Variants in STAB2 observed in about 807,000 individuals in gnomAD.
The protein encoded by STAB2 is stabilin-2.
STAB2 carries 288 observed loss-of-function variants against 338.1 expected under a neutral mutation model. The observed-to-expected ratio is 0.85, with a 90% CI of 0.77 to 0.94. STAB2 has a LOEUF of 0.94. Among genes scored for constraint, STAB2 ranks in the 40% least tolerant of loss-of-function variants. The probability of loss-of-function intolerance (pLI) is 0.00; values close to 1 mark genes in which losing one functional copy is unlikely to be tolerated. For synonymous variants in STAB2, 1,202 were observed against 1,193.3 expected, an observed-to-expected ratio of 1.01 and a Z score of -0.15; for missense variants, 3,141 against 3,210.1, an observed-to-expected ratio of 0.98 and a Z score of 0.52.
intron 5 of STAB2, 38 bp downstream of exon 5, chr12:103,622,149 G>C: frequency 1.2e-6 from 2 of 1,603,640 alleles, no homozygotes; most frequent in Non-Finnish European, 1.7e-6. Context: ...CATTTGTAAG[G>C]GTTGACAGTC....
chr12:103,729,080 C>A, intron 48 of STAB2, 85 bp downstream of exon 48: 1 of 1,341,230 alleles, frequency 7.5e-7, no homozygotes, highest in South Asian at 1.2e-5. Context: ...CCATCATCCT[C>A]AGCAAACTAA....
chr12:103,629,885 A>T (rs1957434041), intron 5 of STAB2, among the ~76,000 whole-genome samples: 1 of 152,208 alleles, frequency 6.6e-6, no homozygotes, highest in African/African-American at 2.4e-5. Context: ...TGAACATAAT[A>T]TGTATTCCAT....
At position 103,686,727 on chromosome 12, in the gene STAB2, A is replaced by G. The variant is rs974433332; in HGVS notation, c.2998-1441A>G. Among the ~76,000 whole-genome samples the G allele has an allele frequency of 2.0e-4, 31 of 152,160 alleles. 1 individual carries two copies. The highest frequency in any genetic ancestry group is 6.5e-4 in the African/African-American group (27 of 41,420). Reference sequence around the variant, plus strand: ...CGCCATGTGAGATACCTCAAACTCCAAGTGATTCACATACCTCGGCCTCTG... The same window carrying G: ...CGCCATGTGAGATACCTCAAACTCCGAGTGATTCACATACCTCGGCCTCTG... On this transcript the variant is annotated intron_variant, in intron 27 of 68. Transcript: ENST00000388887.
Position 103,737,645 on chromosome 12 carries a change from T to C in STAB2, c.5562T>C (p.Phe1854=), listed in dbSNP as rs1315542561. The stretch of plus-strand genomic sequence containing the variant: ...TTTTTCTTTCTTAGGGTGACCTCTT[T>C]CTGAATGGCCAAACCTGCAGAATTG... ...CGAGRDIGDL[F]LNGQTCRIVQ... Residue 1854 remains phenylalanine, a synonymous_variant, in exon 53 of 69, where the codon TTT becomes TTC. Transcript: ENST00000388887. 2 of 1,607,288 alleles carry C rather than the reference T, an allele frequency of 1.2e-6. No homozygotes were observed. The highest frequency in any genetic ancestry group is 1.1e-5 in the South Asian group (1 of 90,324).
At chr12:103,758,130 C>T in intron 63 of STAB2, 40 bp from the exon 64 acceptor site, 1 of 1,612,976 alleles carries the variant, frequency 6.2e-7, no homozygotes, top group East Asian at 2.2e-5. Context: ...TCCCTGCACA[C>T]CAGGGCTGGC....
intron 15 of STAB2, among the ~76,000 whole-genome samples, chr12:103,658,166 A>G: frequency 6.6e-6 from 1 of 152,330 alleles, no homozygotes; most frequent in South Asian, 2.1e-4. Flanking sequence ...GGGGAAAGGG[A>G]CGTGAATTTA....
At chr12:103,711,189 A>G (rs1208296362) in intron 39 of STAB2, 1 of 451,990 alleles carries the variant, frequency 2.2e-6, no homozygotes, top group Admixed American at 4.0e-5. Context: ...GCACATGGTC[A>G]CATTCCAGGG....
chr12:103,646,144 G>T (rs1029735635), intron 9 of STAB2, among the ~76,000 whole-genome samples: 1 of 152,294 alleles, frequency 6.6e-6, no homozygotes, highest in Middle Eastern at 3.4e-3. Context: ...TTGCACTCCA[G>T]CCTGGGCAAC....
chr12:103,736,560 A>C (rs994909891), intron 52 of STAB2, among the ~76,000 whole-genome samples: 5 of 152,258 alleles, frequency 3.3e-5, no homozygotes, highest in Admixed American at 1.3e-4. Flanking sequence ...CAACTATCAG[A>C]GAAGGATAGT....
chr12:103,728,885 G>T lies in STAB2; in HGVS notation c.4972G>T (p.Val1658Phe). 1 of 1,613,958 alleles carries T rather than the reference G, an allele frequency of 6.2e-7. No homozygotes were observed. ...DWDKYGLMPQ[V>F]LRYHVVACHQ... ...GGACAAATACGGTTTAATGCCCCAG[G>T]TTCTTCGGTACCATGTGGTCGCCTG... is the stretch of plus-strand genomic sequence containing the variant. Residue 1658 changes from valine to phenylalanine, a missense_variant, in exon 48 of 69, where the codon GTT (valine) becomes TTT (phenylalanine). Val to Phe is a conservative substitution (Grantham distance 50, BLOSUM62 -1). Transcript: ENST00000388887.
In STAB2 at chr12:103,683,152, A is replaced by G. The variant is rs1256154801; in HGVS notation, c.2806-53A>G. ...TCTCAGTGCTGTGTGAGGGAAAGAC[A>G]TGGAAGGCACTTGCTTTCAATAATC... On this transcript the variant is annotated intron_variant, in intron 25 of 68. Coordinates refer to ENST00000388887, the MANE Select transcript of STAB2 (RefSeq NM_017564.10). 6.6e-6 allele frequency: 10 copies of G among 1,520,300 alleles called. No individual in the cohort carries two copies. The East Asian group carries it at 2.3e-4, about 34-fold the overall frequency. The allele number at this position is 1,520,300 out of a possible 1,614,324, so 94.2% of individuals were successfully genotyped here.
At chr12:103,697,079 A>G (rs1055388747) in intron 33 of STAB2, among the ~76,000 whole-genome samples, 6 of 152,180 alleles carry the variant, frequency 3.9e-5, no homozygotes, top group African/African-American at 4.8e-5. Context: ...ACCACCTCCT[A>G]AATTATCCCT....
rs944029996 is a variant in STAB2 at position 103,764,759 on chromosome 12, A to AT, written c.7605+1158dup. Among the ~76,000 whole-genome samples the AT allele has an allele frequency of 2.9e-4, 44 of 151,304 alleles. 1 individual carries two copies. The highest frequency in any genetic ancestry group is 1.2e-3 in the Admixed American group (19 of 15,262). On this transcript the variant is annotated intron_variant, in intron 68 of 68. Coordinates refer to ENST00000388887, the MANE Select transcript of STAB2 (RefSeq NM_017564.10). ...GAAAAATAACCAGATTGCAAATCAT[A>AT]TTTTTTTAATCAAACCCATGTAAAG...
At position 103,633,642 on chromosome 12, in the gene STAB2, A is replaced by G. The variant is rs1362263755; in HGVS notation, c.583+1949A>G. Among the ~76,000 whole-genome samples the G allele has an allele frequency of 2.6e-5, 4 of 152,222 alleles. 1 individual carries two copies. Among genetic ancestry groups the G allele is most frequent in the African/African-American group, 9.6e-5 (4 of 41,466 alleles). ...GGTTGTGGTGAGCCGAGATCACACCATTGCACTCCAGCCTGGGTGACAGAC... is the reference window on the plus strand; with the variant it reads ...GGTTGTGGTGAGCCGAGATCACACCGTTGCACTCCAGCCTGGGTGACAGAC... On this transcript the variant is annotated intron_variant, in intron 6 of 68. Coordinates refer to ENST00000388887, the MANE Select transcript of STAB2 (RefSeq NM_017564.10).
At chr12:103,615,318 GCAGGT>G (rs1262644990) in intron 3 of STAB2, among the ~76,000 whole-genome samples, 2 of 152,214 alleles carry the variant, frequency 1.3e-5, no homozygotes, top group Admixed American at 1.3e-4. Flanking sequence ...AGACACCAAT[GCAGGT>G]CTGACCCTTG....
At chr12:103,688,136 T>C (rs542417168) in intron 27 of STAB2, 32 bp from the exon 28 acceptor site, 3 of 1,605,288 alleles carry the variant, frequency 1.9e-6, no homozygotes, top group Admixed American at 1.7e-5. Flanking sequence ...CTCTCCCATC[T>C]CTTCTTCCCT....
chr12:103,733,977 C>G (rs1881866658), intron 51 of STAB2, among the ~76,000 whole-genome samples: 1 of 136,706 alleles, frequency 7.3e-6, no homozygotes, highest in African/African-American at 2.8e-5. Flanking sequence ...GGGAGCAGCA[C>G]AGTCATATAG....
intron 1 of STAB2, 124 bp downstream of exon 1, chr12:103,587,681 T>C: frequency 1.3e-6 from 1 of 781,674 alleles, no homozygotes; most frequent in Non-Finnish European, 2.0e-6. Context: ...ACAGAGAATG[T>C]TTTTGGAGAC....
At chr12:103,667,672 C>T (rs1212515308) in intron 19 of STAB2, among the ~76,000 whole-genome samples, 5 of 152,166 alleles carry the variant, frequency 3.3e-5, no homozygotes. Flanking sequence ...CTGTAGTGCT[C>T]CTTCCTCAGT....
Sources: gnomAD v4.1 joint callset for allele counts (sites outside exome capture counted in the v4.1 genomes callset) on GRCh38, gnomAD v4.1.1 for gene constraint, MANE v1.5 for transcripts, NCBI Gene and HGNC (gene_info 2026-07-23, HGNC 2026-07-21) for gene names.